The following LY86 variants were observed in gnomAD, a reference collection of about 807,000 sequenced individuals.
The protein encoded by LY86 is lymphocyte antigen 86.
Under a neutral mutation model 17.3 loss-of-function variants are expected in LY86, and 20 were observed. The observed-to-expected ratio is 1.15, with a 90% confidence interval of 0.81 to 1.68. The LOEUF (loss-of-function observed/expected upper bound fraction) is 1.68. Among genes scored for constraint, LY86 ranks in the 40% most tolerant of loss-of-function variants. The probability of loss-of-function intolerance (pLI) is 0.00; values close to 1 mark genes in which losing one functional copy is unlikely to be tolerated. For missense variants in LY86, 200 were observed against 191.9 expected (o/e 1.04, Z -0.25); for synonymous variants, 74 against 70.6 (o/e 1.05, Z -0.24).
chr6:6,635,663 C>T (rs551250347), intron 3 of LY86, among the ~76,000 whole-genome samples: 1 of 152,286 alleles, frequency 6.6e-6, no homozygotes, highest in South Asian at 2.1e-4. Flanking sequence ...GGCTTTCCAT[C>T]CCCGCACTTC....
chr6:6,603,519 G>T (rs1283638443), intron 1 of LY86, among the ~76,000 whole-genome samples: 1 of 149,802 alleles, frequency 6.7e-6, no homozygotes, highest in Non-Finnish European at 1.5e-5. Context: ...AGCTGAGCTT[G>T]CAATAAAAAA....
At chr6:6,590,033 GCTT>G (rs1394306684) in intron 1 of LY86, among the ~76,000 whole-genome samples, 3 of 145,622 alleles carry the variant, frequency 2.1e-5, no homozygotes, top group Non-Finnish European at 3.0e-5. Context: ...AGGCAGAATT[GCTT>G]GAACCCAGGA....
At chr6:6,591,880 G>A (rs2113069704) in intron 1 of LY86, among the ~76,000 whole-genome samples, 1 of 152,304 alleles carries the variant, frequency 6.6e-6, no homozygotes, top group South Asian at 2.1e-4. Flanking sequence ...GTGAAGGCAG[G>A]AAAATGGGAC....
chr6:6,623,417 A>T (rs190057827), intron 1 of LY86, among the ~76,000 whole-genome samples: 14 of 152,354 alleles, frequency 9.2e-5, no homozygotes, highest in Admixed American at 5.2e-4. Flanking sequence ...GCCACTGCCA[A>T]CATGATGGGC....
intron 1 of LY86, among the ~76,000 whole-genome samples, chr6:6,600,203 G>A (rs1384604521): frequency 6.6e-6 from 1 of 151,436 alleles, no homozygotes; most frequent in Non-Finnish European, 1.5e-5. Flanking sequence ...CTTGTTTAGG[G>A]TAAGGGCTGC....
At chr6:6,648,396 C>A (rs1762137820) in intron 3 of LY86, among the ~76,000 whole-genome samples, 1 of 152,222 alleles carries the variant, frequency 6.6e-6, no homozygotes, top group Admixed American at 6.5e-5. Flanking sequence ...CCAAGCTCTT[C>A]TCAACACAGT....
intron 1 of LY86, among the ~76,000 whole-genome samples, chr6:6,614,355 T>C (rs1288760398): frequency 6.6e-6 from 1 of 151,238 alleles, no homozygotes; most frequent in Non-Finnish European, 1.5e-5. Flanking sequence ...ACGCCAAATG[T>C]CTTTTATTTA....
intron 3 of LY86, among the ~76,000 whole-genome samples, chr6:6,643,928 T>TTCATTTA (rs1762074643): frequency 6.6e-6 from 1 of 152,084 alleles, no homozygotes; most frequent in African/African-American, 2.4e-5. Context: ...GCCCAGCAGG[T>TTCATTTA]GGGAAAGGGA....
At chr6:6,601,527 CCTGG>C (rs1760908389) in intron 1 of LY86, among the ~76,000 whole-genome samples, 1 of 152,134 alleles carries the variant, frequency 6.6e-6, no homozygotes, top group South Asian at 2.1e-4. Flanking sequence ...TCGAGACCAT[CCTGG>C]CTAACACAGT....
intron 1 of LY86, among the ~76,000 whole-genome samples, chr6:6,603,603 C>CAAAAAAACAAAAAAAAAAAAAAAAAAAA: frequency 1.4e-5 from 1 of 70,462 alleles, no homozygotes; most frequent in Non-Finnish European, 3.2e-5. Flanking sequence ...AAAACAGAAA[C>CAAAAAAACAAAAAAAAAAAAAAAAAAAA]AGAAAAAAAA....
At chr6:6,643,219 C>T (rs796780128) in intron 3 of LY86, among the ~76,000 whole-genome samples, 4 of 152,184 alleles carry the variant, frequency 2.6e-5, no homozygotes, top group African/African-American at 9.6e-5. Context: ...ACATTCCCAC[C>T]GACAGTGGGA....
chr6:6,603,731 T>G (rs1042913202), intron 1 of LY86, among the ~76,000 whole-genome samples: 44 of 152,008 alleles, frequency 2.9e-4, no homozygotes, highest in African/African-American at 1.0e-3. Flanking sequence ...ACTTAGGCTT[T>G]AATGGCTGTG....
chr6:6,641,881 G>A (rs1762045635), intron 3 of LY86, among the ~76,000 whole-genome samples: 1 of 152,228 alleles, frequency 6.6e-6, no homozygotes, highest in Admixed American at 6.5e-5. Context: ...AGATGCATCA[G>A]GGAGCTGATT....
chr6:6,615,528 C>A (rs943778912), intron 1 of LY86, among the ~76,000 whole-genome samples: 3 of 152,106 alleles, frequency 2.0e-5, no homozygotes, highest in Admixed American at 6.5e-5. Context: ...TCAAGACCAG[C>A]CTGGCCAACA....
intron 3 of LY86, among the ~76,000 whole-genome samples, chr6:6,643,287 T>G (rs750098227): frequency 6.6e-6 from 1 of 152,196 alleles, no homozygotes. Context: ...GACAGATGAA[T>G]GGATAAAGAC....
intron 1 of LY86, among the ~76,000 whole-genome samples, chr6:6,611,400 G>A (rs967202422): frequency 3.3e-5 from 5 of 152,166 alleles, no homozygotes; most frequent in African/African-American, 1.2e-4. Flanking sequence ...ACGGATGATA[G>A]CATCTCTCTT....
At chr6:6,620,829 G>A (rs1761656094) in intron 1 of LY86, 1 of 152,282 alleles carries the variant, frequency 6.6e-6, no homozygotes, top group African/African-American at 2.4e-5. Flanking sequence ...TTTACTCCAT[G>A]AATGTCCAAG....
intron 1 of LY86, among the ~76,000 whole-genome samples, chr6:6,605,691 T>TA (rs568858595): frequency 9.2e-5 from 14 of 152,342 alleles, no homozygotes; most frequent in African/African-American, 3.4e-4. Context: ...CTCACGGACT[T>TA]AAAGAATGAA....
In LY86 at chr6:6,654,538, T is replaced by C; in HGVS notation, c.406-6T>C. The C allele has an allele frequency of 1.9e-6, 3 of 1,612,680 alleles. No individual in the cohort carries two copies. Among genetic ancestry groups the C allele is most frequent in the South Asian group, 2.2e-5 (2 of 91,046 alleles). On this transcript the variant is annotated splice_polypyrimidine_tract_variant and splice_region_variant and intron_variant, in intron 4 of 4. Coordinates refer to ENST00000230568, the MANE Select transcript of LY86 (RefSeq NM_004271.4). ...ACGTCTAATACTTGACCTGTGCCCC[T>C]TGCAGGGAGAATACCAGGTTTTGCT...
Sources: allele counts gnomAD v4.1 joint callset (sites outside exome capture counted in the v4.1 genomes callset), GRCh38; gene constraint gnomAD v4.1.1; transcripts MANE v1.5; gene names NCBI Gene and HGNC (gene_info 2026-07-23, HGNC 2026-07-21).